The following GABRG1 variants were observed in gnomAD, a reference collection of about 807,000 sequenced individuals.
The protein encoded by GABRG1 is gamma-aminobutyric acid receptor subunit gamma-1.
Under a neutral mutation model 49.8 loss-of-function variants are expected in GABRG1, and 49 were observed. The observed-to-expected ratio is 0.98, with a 90% CI of 0.78 to 1.25. The LOEUF is 1.25. GABRG1 is among the 50% of genes most tolerant of loss of function. GABRG1 has a pLI of 0.00. For missense variants in GABRG1, 552 were observed against 552.3 expected, an observed-to-expected ratio of 1.00 and a Z score of 0.01; for synonymous variants, 232 against 185.1, an observed-to-expected ratio of 1.25 and a Z score of -2.06.
At chr4:46,083,116 T>C (rs1411834654) in intron 3 of GABRG1, among the ~76,000 whole-genome samples, 1 of 151,708 alleles carries the variant, frequency 6.6e-6, no homozygotes, top group Non-Finnish European at 1.5e-5. Context: ...ATAATGACTC[T>C]ACCATCTTCA....
Position 46,050,216 on chromosome 4 carries a change from C to T in GABRG1, c.1131+1208G>A, listed in dbSNP as rs142229532. ...ATAAGCAAAAATGACGTGAAGTTGACGGAGTCACTGGCTAATTCTACAATG... is the reference window on the plus strand; with the variant it reads ...ATAAGCAAAAATGACGTGAAGTTGATGGAGTCACTGGCTAATTCTACAATG... On this transcript the variant is annotated intron_variant, in intron 8 of 8. Coordinates refer to ENST00000295452, the MANE Select transcript of GABRG1 (RefSeq NM_173536.4). 2.5e-4 allele frequency among the ~76,000 whole-genome samples: 38 copies of T among 152,000 alleles called. No homozygotes were observed. In the East Asian group the frequency reaches 3.5e-3, roughly 14 times the overall value.
At chr4:46,094,871 A>G (rs1720116660) in intron 2 of GABRG1, among the ~76,000 whole-genome samples, 1 of 151,992 alleles carries the variant, frequency 6.6e-6, no homozygotes, top group South Asian at 2.1e-4. Context: ...TAATTATTGC[A>G]GAATTAAGAT....
chr4:46,114,164 A>G (rs1234196712), intron 1 of GABRG1, among the ~76,000 whole-genome samples: 1 of 151,106 alleles, frequency 6.6e-6, no homozygotes, highest in Non-Finnish European at 1.5e-5. Flanking sequence ...AGCTATAGAA[A>G]AGCAAAATAA....
At chr4:46,049,196 C>T (rs1034482368) in intron 8 of GABRG1, among the ~76,000 whole-genome samples, 8 of 151,828 alleles carry the variant, frequency 5.3e-5, no homozygotes, top group Non-Finnish European at 1.5e-5. Context: ...TGGCAAGATG[C>T]TACAACATCT....
intron 1 of GABRG1, among the ~76,000 whole-genome samples, chr4:46,112,088 G>A (rs1720735301): frequency 6.6e-6 from 1 of 151,172 alleles, no homozygotes; most frequent in African/African-American, 2.4e-5. Flanking sequence ...TGCAAACTGT[G>A]CATCTGACAA....
chr4:46,074,186 T>C (rs1719242503), intron 3 of GABRG1, among the ~76,000 whole-genome samples: 1 of 152,172 alleles, frequency 6.6e-6, no homozygotes, highest in African/African-American at 2.4e-5. Context: ...CTGTATGATC[T>C]GAATGGGAAA....
chr4:46,045,341 T>C (rs1170830538), intron 8 of GABRG1, among the ~76,000 whole-genome samples: 2 of 151,992 alleles, frequency 1.3e-5, no homozygotes, highest in East Asian at 1.9e-4. Flanking sequence ...AAACTGCTCA[T>C]AGTATGGAAA....
intron 2 of GABRG1, among the ~76,000 whole-genome samples, chr4:46,089,714 G>C (rs1719911367): frequency 6.6e-6 from 1 of 152,116 alleles, no homozygotes; most frequent in Admixed American, 6.6e-5. Flanking sequence ...AGTAATCCCA[G>C]CACTTTGGGA....
Position 46,102,045 on chromosome 4 carries a change from G to T in GABRG1, c.105-4696C>A, listed in dbSNP as rs114032021. Among the ~76,000 whole-genome samples the T allele has an allele frequency of 7.1e-3, 1,078 of 151,702 alleles. 17 individuals are homozygous for T. Among genetic ancestry groups the T allele is most frequent in the African/African-American group, 0.025 (1,028 of 41,482 alleles). ...TAAATAAATGAAAAGGAGTGAATTC[G>T]ATGTGAATGCCTACCTAAGAATGAA... On this transcript the variant is annotated intron_variant, in intron 1 of 8. Coordinates refer to ENST00000295452, the MANE Select transcript of GABRG1 (RefSeq NM_173536.4).
chr4:46,066,818 G>A (rs1402072274), intron 3 of GABRG1, among the ~76,000 whole-genome samples: 2 of 150,954 alleles, frequency 1.3e-5, no homozygotes, highest in Non-Finnish European at 3.0e-5. Context: ...TGCCATAGAG[G>A]AAAGGAAATA....
intron 3 of GABRG1, among the ~76,000 whole-genome samples, chr4:46,073,238 G>T (rs1317487752): frequency 1.3e-5 from 2 of 151,548 alleles, no homozygotes; most frequent in South Asian, 2.1e-4. Context: ...AATTGTTTTT[G>T]CCCAGTGACT....
chr4:46,102,020 T>C (rs1720396536), intron 1 of GABRG1, among the ~76,000 whole-genome samples: 1 of 151,712 alleles, frequency 6.6e-6, no homozygotes, highest in Non-Finnish European at 1.5e-5. Flanking sequence ...TTGTATAATG[T>C]AAATAAATGA....
At chr4:46,106,049 C>T (rs1720537329) in intron 1 of GABRG1, among the ~76,000 whole-genome samples, 1 of 151,414 alleles carries the variant, frequency 6.6e-6, no homozygotes, top group South Asian at 2.1e-4. Context: ...CTGAACTACA[C>T]TGTGACCTGG....
intron 5 of GABRG1, among the ~76,000 whole-genome samples, chr4:46,062,481 C>T (rs920353600): frequency 5.9e-5 from 9 of 152,178 alleles, no homozygotes; most frequent in African/African-American, 1.4e-4. Flanking sequence ...AACTAGTTTA[C>T]TGTCCCACCA....
chr4:46,104,444 C>A (rs1001134864), intron 1 of GABRG1, among the ~76,000 whole-genome samples: 3 of 151,448 alleles, frequency 2.0e-5, no homozygotes, highest in Non-Finnish European at 4.4e-5. Context: ...GTTACATTAA[C>A]TAATCTTAGT....
At chr4:46,088,637 T>G (rs993543783) in intron 2 of GABRG1, among the ~76,000 whole-genome samples, 1 of 151,928 alleles carries the variant, frequency 6.6e-6, no homozygotes. Context: ...TCAGTGTAGT[T>G]AAACCTGAGC....
chr4:46,085,166 G>A (rs1446521539), intron 2 of GABRG1, among the ~76,000 whole-genome samples: 1 of 151,160 alleles, frequency 6.6e-6, no homozygotes, highest in African/African-American at 2.4e-5. Flanking sequence ...GCTGAACGTT[G>A]TCTACATTGA....
chr4:46,105,243 A>T (rs1208953592), intron 1 of GABRG1, among the ~76,000 whole-genome samples: 2 of 151,382 alleles, frequency 1.3e-5, no homozygotes, highest in East Asian at 3.9e-4. Context: ...CCATTGGCAG[A>T]GGTGGGTGGT....
chr4:46,110,321 A>G (rs747861015), intron 1 of GABRG1, among the ~76,000 whole-genome samples: 1 of 151,024 alleles, frequency 6.6e-6, no homozygotes, highest in Non-Finnish European at 1.5e-5. Flanking sequence ...TATCTGATAT[A>G]ACATAGTGAA....
Sources: gnomAD v4.1 joint callset for allele counts (sites outside exome capture counted in the v4.1 genomes callset) on GRCh38, gnomAD v4.1.1 for gene constraint, MANE v1.5 for transcripts, NCBI Gene and HGNC (gene_info 2026-07-23, HGNC 2026-07-21) for gene names.